The following CCNJL variants were observed in gnomAD, a reference collection of about 807,000 sequenced individuals.
CCNJL encodes the protein cyclin J like.
In CCNJL, 33 loss-of-function variants were observed where a neutral mutation model predicts 33.4. That is an observed-to-expected ratio of 0.99 (90% CI 0.75 to 1.32). The LOEUF is 1.32. CCNJL is among the 40% of genes most tolerant of loss of function. CCNJL has a pLI of 0.00. For missense variants in CCNJL, 512 were observed against 499.7 expected (o/e 1.02, Z -0.23); for synonymous variants, 227 against 220.9 (o/e 1.03, Z -0.24).
chr5:160,311,833 G>A, intron 2 of CCNJL, 25 bp downstream of exon 2: 1 of 1,608,608 alleles, frequency 6.2e-7, no homozygotes, highest in Admixed American at 1.7e-5. Context: ...AGTCTTGAGA[G>A]TGACAAGGGC....
chr5:160,301,724 C>T (rs1045710507), intron 2 of CCNJL, among the ~76,000 whole-genome samples: 2 of 149,244 alleles, frequency 1.3e-5, no homozygotes, highest in African/African-American at 2.5e-5. Context: ...TGTGAGCCAC[C>T]GCACCCGGTC....
At chr5:160,278,960 A>G (rs1401957557) in intron 3 of CCNJL, among the ~76,000 whole-genome samples, 1 of 152,094 alleles carries the variant, frequency 6.6e-6, no homozygotes. Flanking sequence ...CGCATGTGTA[A>G]CAAGGGAATC....
Position 160,259,534 on chromosome 5 carries a change from C to G in CCNJL, c.518G>C (p.Cys173Ser), listed in dbSNP as rs1761224101. The change falls in exon 4 of 6, where the codon TGC (cysteine) becomes TCC (serine). Residue 173 changes from cysteine to serine, a missense_variant. By Grantham distance (112) the Cys-to-Ser change is moderately radical (BLOSUM62 -1). Coordinates refer to ENST00000257536, the MANE Select transcript of CCNJL (RefSeq NM_001308173.3). The part of the protein sequence containing the change: ...DHHCHTWPTT[C>S]PRKTKECLKE... Reference sequence around the variant, plus strand: ...GAGGCACTCTTTGGTCTTGCGGGGGCAGGTGGTGGGCCAGGTGTGGCAGTG... The same window carrying G: ...GAGGCACTCTTTGGTCTTGCGGGGGGAGGTGGTGGGCCAGGTGTGGCAGTG... 1.2e-6 allele frequency: 2 copies of G among 1,614,016 alleles called. No homozygotes were observed. Among genetic ancestry groups the G allele is most frequent in the Admixed American group, 1.7e-5 (1 of 59,998 alleles).
chr5:160,313,439 A>G (rs1763335846), upstream of CCNJL, among the ~76,000 whole-genome samples: 1 of 152,256 alleles, frequency 6.6e-6, no homozygotes. Context: ...TAATGCGTGT[A>G]AAGGGATAAT....
intron 2 of CCNJL, among the ~76,000 whole-genome samples, chr5:160,301,578 C>T (rs541689803): frequency 1.3e-5 from 2 of 151,826 alleles, no homozygotes; most frequent in Non-Finnish European, 2.9e-5. Flanking sequence ...TGACTACAGG[C>T]ATGTGCCACC....
At chr5:160,266,436 G>A (rs577457429) in intron 3 of CCNJL, among the ~76,000 whole-genome samples, 11 of 152,328 alleles carry the variant, frequency 7.2e-5, no homozygotes, top group Non-Finnish European at 1.3e-4. Context: ...CCTTGGAGCC[G>A]GTGTGACCAG....
intron 2 of CCNJL, among the ~76,000 whole-genome samples, chr5:160,308,937 T>C (rs750465468): frequency 3.9e-5 from 6 of 152,162 alleles, no homozygotes; most frequent in Admixed American, 6.5e-5. Context: ...AAAGAGCCAG[T>C]GCAAAGACCC....
chr5:160,282,361 G>A (rs920079803), intron 2 of CCNJL, among the ~76,000 whole-genome samples: 2 of 152,020 alleles, frequency 1.3e-5, no homozygotes, highest in African/African-American at 4.8e-5. Flanking sequence ...AAAACTCTTA[G>A]AAGAAAACAG....
intron 3 of CCNJL, among the ~76,000 whole-genome samples, chr5:160,275,788 C>T (rs1313833613): frequency 6.6e-6 from 1 of 152,196 alleles, no homozygotes; most frequent in Non-Finnish European, 1.5e-5. Context: ...CCCTCCCTCC[C>T]TCCTCAGGCT....
intron 4 of CCNJL, among the ~76,000 whole-genome samples, chr5:160,256,790 C>T (rs907284549): frequency 6.6e-5 from 10 of 151,298 alleles, no homozygotes; most frequent in Non-Finnish European, 1.3e-4. Flanking sequence ...TGGTGGTGGG[C>T]GCCTGTAATC....
intron 2 of CCNJL, chr5:160,281,025 G>A: frequency 2.1e-6 from 1 of 484,306 alleles, no homozygotes; most frequent in South Asian, 2.0e-5. Flanking sequence ...AGGCCATAAA[G>A]GAATAAAGGC....
At chr5:160,284,754 C>G (rs764614266) in intron 2 of CCNJL, among the ~76,000 whole-genome samples, 20 of 152,232 alleles carry the variant, frequency 1.3e-4, no homozygotes, top group Non-Finnish European at 2.5e-4. Context: ...TAAATTACTT[C>G]TTCTCCCTTA....
At chr5:160,257,283 G>A (rs1163391570) in intron 4 of CCNJL, among the ~76,000 whole-genome samples, 1 of 151,770 alleles carries the variant, frequency 6.6e-6, no homozygotes, top group African/African-American at 2.4e-5. Context: ...AGACCATCCT[G>A]GCTGACACGG....
intron 1 of CCNJL, among the ~76,000 whole-genome samples, chr5:160,318,709 A>C (rs1763405926): frequency 6.6e-6 from 1 of 152,256 alleles, no homozygotes; most frequent in African/African-American, 2.4e-5. Flanking sequence ...GCATGTATCG[A>C]GAGTGAAATA....
Position 160,287,032 on chromosome 5 carries a change from G to A in CCNJL, c.67-6294C>T, listed in dbSNP as rs374775998. 1.9e-3 allele frequency among the ~76,000 whole-genome samples: 289 copies of A among 152,174 alleles called. 4 individuals are homozygous for A. The highest frequency in any genetic ancestry group is 6.8e-3 in the African/African-American group (284 of 41,512). On this transcript the variant is annotated intron_variant, in intron 2 of 5. Transcript: ENST00000257536. ...CCCTGTACCAACCACCTCACCTCCC[G>A]CCCCCACATACCGGGGATTAGCTTG...
At chr5:160,282,834 G>A (rs563081026) in intron 2 of CCNJL, among the ~76,000 whole-genome samples, 1 of 151,102 alleles carries the variant, frequency 6.6e-6, no homozygotes, top group Non-Finnish European at 1.5e-5. Flanking sequence ...GTGCTGGATA[G>A]GGGCAAACTG....
At chr5:160,309,093 G>T (rs753296141) in intron 2 of CCNJL, among the ~76,000 whole-genome samples, 1 of 152,198 alleles carries the variant, frequency 6.6e-6, no homozygotes, top group Non-Finnish European at 1.5e-5. Flanking sequence ...TCCACGCAGT[G>T]GTAAGGACTG....
At chr5:160,285,798 C>T (rs925104413) in intron 2 of CCNJL, among the ~76,000 whole-genome samples, 9 of 152,192 alleles carry the variant, frequency 5.9e-5, no homozygotes, top group Non-Finnish European at 1.0e-4. Context: ...ACTCTGAGGG[C>T]AATAGAAACT....
intron 2 of CCNJL, among the ~76,000 whole-genome samples, chr5:160,296,575 G>A (rs958093951): frequency 1.3e-5 from 2 of 152,178 alleles, no homozygotes; most frequent in African/African-American, 4.8e-5. Context: ...TTTCCAGGGA[G>A]CTGGCACTCT....
Sources: allele counts gnomAD v4.1 joint callset (sites outside exome capture counted in the v4.1 genomes callset), GRCh38; gene constraint gnomAD v4.1.1; transcripts MANE v1.5; gene names NCBI Gene and HGNC (gene_info 2026-07-23, HGNC 2026-07-21).